Variants in PFDN2 observed in about 807,000 individuals in gnomAD.
PFDN2 encodes the protein prefoldin subunit 2.
A neutral mutation model predicts 18.3 loss-of-function variants in PFDN2; 7 were observed. The ratio of observed to expected loss-of-function variants is 0.38; its 90% confidence interval spans 0.22 to 0.72. The LOEUF (loss-of-function observed/expected upper bound fraction) is 0.72. Among genes scored for constraint, PFDN2 ranks in the 30% least tolerant of loss-of-function variants. The pLI, the probability that PFDN2 is intolerant of heterozygous loss-of-function variation, is 0.47. For synonymous variants in PFDN2, 76 were observed against 75.0 expected (o/e 1.01, Z -0.07); for missense variants, 181 against 199.1 (o/e 0.91, Z 0.55).
chr1:161,114,318 C>G (rs944489452), intron 1 of PFDN2, among the ~76,000 whole-genome samples: 4 of 152,246 alleles, frequency 2.6e-5, no homozygotes, highest in African/African-American at 7.2e-5. Flanking sequence ...CCACCAAAGA[C>G]AGAAACCTGA....
rs1365489291 is a variant in PFDN2, at chr1:161,100,886, T to C, written c.289-27A>G. On this transcript the variant is annotated intron_variant, in intron 3 of 3. Coordinates refer to ENST00000368010, the MANE Select transcript of PFDN2 (RefSeq NM_012394.4). ...TAGAGGACAAGTGACAGGGATTATATAAGGAATTCAGGACTCCTTTCCCCC... is the reference window on the plus strand; with the variant it reads ...TAGAGGACAAGTGACAGGGATTATACAAGGAATTCAGGACTCCTTTCCCCC... The C allele has an allele frequency of 3.2e-6, 5 of 1,582,472 alleles. No individual in the cohort carries two copies. In the Admixed American group the frequency reaches 8.4e-5, roughly 27 times the overall value.
At chr1:161,101,221 T>A (rs1294206394) in intron 3 of PFDN2, among the ~76,000 whole-genome samples, 1 of 151,760 alleles carries the variant, frequency 6.6e-6, no homozygotes, top group Admixed American at 6.6e-5. Flanking sequence ...TTTTTTTGAG[T>A]TGCAGCATCG....
chr1:161,104,083 G>A (rs573148646), intron 1 of PFDN2, among the ~76,000 whole-genome samples: 1 of 152,344 alleles, frequency 6.6e-6, no homozygotes, highest in East Asian at 1.9e-4. Flanking sequence ...ATTCTAATGT[G>A]TAGTGTGAAC....
intron 1 of PFDN2, among the ~76,000 whole-genome samples, chr1:161,108,412 C>T (rs1654730444): frequency 6.7e-6 from 1 of 149,578 alleles, no homozygotes; most frequent in Non-Finnish European, 1.5e-5. Flanking sequence ...GAGCCAAGAT[C>T]GCACCATTAC....
intron 1 of PFDN2, among the ~76,000 whole-genome samples, chr1:161,105,753 C>T (rs1490822428): frequency 6.6e-6 from 1 of 152,130 alleles, no homozygotes; most frequent in African/African-American, 2.4e-5. Flanking sequence ...GCCACTGCAC[C>T]CGCCTGAGAT....
At position 161,117,809 on chromosome 1, in the gene PFDN2, T is replaced by G. The variant is rs977981160; in HGVS notation, c.75+143A>C. 4 of 743,356 alleles carry G rather than the reference T, an allele frequency of 5.4e-6. No individual in the cohort carries two copies. In the Admixed American group the frequency reaches 1.3e-4, roughly 23 times the overall value. 46.0% of individuals were successfully genotyped at this position (743,356 alleles called of 1,614,324 possible). On this transcript the variant is annotated intron_variant, in intron 1 of 3. Transcript: ENST00000368010. ...GTCTACCTCTCCGAAGGGGTTCGGC[T>G]AGCTTTTCCGGGGACCCTTCCCTCT...
At chr1:161,106,164 C>T (rs2101701572) in intron 1 of PFDN2, among the ~76,000 whole-genome samples, 1 of 152,252 alleles carries the variant, frequency 6.6e-6, no homozygotes, top group Admixed American at 6.5e-5. Context: ...CTCCTGCTCC[C>T]ACTATGCATA....
At chr1:161,113,015 T>C (rs906547934) in intron 1 of PFDN2, among the ~76,000 whole-genome samples, 11 of 152,182 alleles carry the variant, frequency 7.2e-5, no homozygotes, top group Non-Finnish European at 1.5e-4. Context: ...AAGTTATCTC[T>C]GGATAGTTGG....
chr1:161,105,751 AC>A (rs1654665360), intron 1 of PFDN2, among the ~76,000 whole-genome samples: 2 of 151,760 alleles, frequency 1.3e-5, no homozygotes, highest in Admixed American at 6.6e-5. Context: ...GAGCCACTGC[AC>A]CCGCCTGAGA....
At chr1:161,101,272 T>A (rs1251640185) in intron 3 of PFDN2, among the ~76,000 whole-genome samples, 2 of 151,968 alleles carry the variant, frequency 1.3e-5, no homozygotes, top group Non-Finnish European at 2.9e-5. Flanking sequence ...CAATCTCAGC[T>A]CACTGCAAGC....
At chr1:161,101,634 T>C (rs992935391) in intron 3 of PFDN2, among the ~76,000 whole-genome samples, 1 of 152,212 alleles carries the variant, frequency 6.6e-6, no homozygotes, top group Admixed American at 6.5e-5. Context: ...ATGAGAAACA[T>C]TACTCTAACC....
At position 161,106,581 on chromosome 1, in the gene PFDN2, C is replaced by T. The variant is rs192205150; in HGVS notation, c.76-4206G>A. 2.7e-3 allele frequency among the ~76,000 whole-genome samples: 411 copies of T among 152,206 alleles called. 4 individuals are homozygous for T. Among genetic ancestry groups the T allele is most frequent in the Non-Finnish European group, 2.4e-3 (160 of 68,014 alleles). On this transcript the variant is annotated intron_variant, in intron 1 of 3. Coordinates refer to ENST00000368010, the MANE Select transcript of PFDN2 (RefSeq NM_012394.4). ...AGCACAGATTGACACATCAGTGTTG[C>T]GTCTCTCAACCCTATTAAATCATCA... is the stretch of plus-strand genomic sequence containing the variant.
chr1:161,107,259 A>G, intron 1 of PFDN2, among the ~76,000 whole-genome samples: 1 of 152,142 alleles, frequency 6.6e-6, no homozygotes, highest in Non-Finnish European at 1.5e-5. Flanking sequence ...CCCGGTCTTT[A>G]CTAATAATAC....
rs1281955396 is a variant in PFDN2, at chr1:161,100,591, AT to A, written c.*91del. The A allele has an allele frequency of 5.8e-5, 57 of 982,682 alleles. No homozygotes were observed. Among genetic ancestry groups the A allele is most frequent in the South Asian group, 2.8e-4 (14 of 49,132 alleles). The allele number at this position is 982,682 out of a possible 1,614,324, so 60.9% of individuals were successfully genotyped here. A position where few individuals can be genotyped will look rare whatever the true frequency, so the allele number is the denominator to read the frequency against. On this transcript the variant is annotated 3_prime_UTR_variant, in exon 4 of 4. Coordinates refer to ENST00000368010, the MANE Select transcript of PFDN2 (RefSeq NM_012394.4). ...ACCAAAACATTTAATTAACAAAAAA[AT>A]ATTACAATAGCAGAGAAAATAATAA... is the stretch of plus-strand genomic sequence containing the variant.
intron 1 of PFDN2, among the ~76,000 whole-genome samples, chr1:161,111,344 T>C (rs2101705701): frequency 6.6e-6 from 1 of 152,364 alleles, no homozygotes; most frequent in East Asian, 1.9e-4. Flanking sequence ...ACTTTCCTTG[T>C]TTCCTCATTT....
chr1:161,111,400 C>T (rs1366321602), intron 1 of PFDN2, among the ~76,000 whole-genome samples: 2 of 152,200 alleles, frequency 1.3e-5, no homozygotes, highest in Non-Finnish European at 2.9e-5. Context: ...GGTTTCTCAA[C>T]ATTGTCACTA....
At chr1:161,116,575 A>G (rs758551989) in intron 1 of PFDN2, among the ~76,000 whole-genome samples, 2 of 152,190 alleles carry the variant, frequency 1.3e-5, no homozygotes, top group Non-Finnish European at 2.9e-5. Flanking sequence ...GTCAGAAACC[A>G]TATTCCATAG....
In PFDN2 at chr1:161,100,580, T is replaced by C; in HGVS notation, c.*103A>G. On this transcript the variant is annotated 3_prime_UTR_variant, in exon 4 of 4. Transcript: ENST00000368010. ...CTAAGATTCTGACCAAAACATTTAATTAACAAAAAAATATTACAATAGCAG... is the reference window on the plus strand; with the variant it reads ...CTAAGATTCTGACCAAAACATTTAACTAACAAAAAAATATTACAATAGCAG... 1 of 937,740 alleles carries C rather than the reference T, an allele frequency of 1.1e-6. No individual in the cohort carries two copies. 58.1% of individuals were successfully genotyped at this position (937,740 alleles called of 1,614,324 possible). A position where few individuals can be genotyped will look rare whatever the true frequency, so the allele number is the denominator to read the frequency against.
chr1:161,100,753 TTCTCATCTTC>T lies in PFDN2; in HGVS notation c.385_394del (p.Glu129SerfsTer39). 1 of 1,614,132 alleles carries T rather than the reference TTCTCATCTTC, an allele frequency of 6.2e-7. No homozygotes were observed. The highest frequency in any genetic ancestry group is 8.5e-7 in the Non-Finnish European group (1 of 1,179,950). On this transcript the variant is annotated frameshift_variant, in exon 4 of 4. Transcript: ENST00000368010. LOFTEE classifies it high-confidence loss of function. ...TTCTGAGTTTTCCTTGGCTGCTGGC[TTCTCATCTTC>T]TCCCATGAGACGAATGTTGTGCTTT...
Sources: gnomAD v4.1 joint callset for allele counts (sites outside exome capture counted in the v4.1 genomes callset) on GRCh38, gnomAD v4.1.1 for gene constraint, MANE v1.5 for transcripts, NCBI Gene and HGNC (gene_info 2026-07-23, HGNC 2026-07-21) for gene names.